The following DPF3 variants were observed in gnomAD, a reference collection of about 807,000 sequenced individuals.
DPF3 encodes the protein double PHD fingers 3.
In DPF3, 18 loss-of-function variants were observed where a neutral mutation model predicts 56.8. That is an observed-to-expected ratio of 0.32 (90% CI 0.22 to 0.47). The LOEUF (loss-of-function observed/expected upper bound fraction) is 0.47. Among genes scored for constraint, DPF3 ranks in the 20% least tolerant of loss-of-function variants. The pLI, the probability that DPF3 is intolerant of heterozygous loss-of-function variation, is 1.00. For missense variants in DPF3, 403 were observed against 488.8 expected (o/e 0.82, Z 1.65); for synonymous variants, 188 against 180.2 (o/e 1.04, Z -0.35).
chr14:72,698,853 A>C (rs1273106992), intron 6 of DPF3, among the ~76,000 whole-genome samples: 1 of 119,626 alleles, frequency 8.4e-6, no homozygotes, highest in Admixed American at 9.3e-5. Flanking sequence ...ACTGGCAGCA[A>C]GCATGGCAGG....
intron 1 of DPF3, among the ~76,000 whole-genome samples, chr14:72,890,841 C>T (rs557557102): frequency 3.3e-5 from 5 of 152,244 alleles, no homozygotes; most frequent in South Asian, 2.1e-4. Flanking sequence ...TCAGTGCAGG[C>T]GGCTCCTATT....
intron 1 of DPF3, among the ~76,000 whole-genome samples, chr14:72,814,643 C>T (rs1424107963): frequency 1.3e-5 from 2 of 151,956 alleles, no homozygotes; most frequent in Non-Finnish European, 2.9e-5. Context: ...GGTGAAACCC[C>T]GTCTCTACTA....
Position 72,693,146 on chromosome 14 carries a change from G to A in DPF3, c.672C>T (p.Ser224=), listed in dbSNP as rs376134136. The change falls in exon 7 of 11, where the codon AGC becomes AGT. Residue 224 remains serine (S), a synonymous_variant. Coordinates refer to ENST00000556509, the MANE Select transcript of DPF3 (RefSeq NM_001280542.3). ...SYHYAHTHLA[S]EEGDEAQDQE... The stretch of plus-strand genomic sequence containing the variant: ...GGTCTTGAGCTTCATCCCCCTCCTC[G>A]CTGGCCAGGTGAGTGTGAGCATAGT... The A allele has an allele frequency of 1.5e-5, 24 of 1,613,834 alleles. No homozygotes were observed. In the Middle Eastern group the frequency reaches 4.9e-4, roughly 33 times the overall value.
chr14:72,709,308 G>A (rs1888554824), intron 6 of DPF3, among the ~76,000 whole-genome samples: 2 of 152,236 alleles, frequency 1.3e-5, no homozygotes, highest in South Asian at 4.1e-4. Flanking sequence ...TGACTCAGGA[G>A]TGAGTCATGC....
chr14:72,791,124 C>A (rs1050684148), intron 1 of DPF3, among the ~76,000 whole-genome samples: 1 of 152,202 alleles, frequency 6.6e-6, no homozygotes, highest in South Asian at 2.1e-4. Context: ...TGGTGACCTT[C>A]CCCACTCCCC....
intron 1 of DPF3, among the ~76,000 whole-genome samples, chr14:72,791,939 T>C (rs1228612114): frequency 1.3e-5 from 2 of 152,104 alleles, no homozygotes; most frequent in South Asian, 2.1e-4. Context: ...CAGCCACCCA[T>C]GGCTGGGAGG....
At chr14:72,764,541 T>C (rs1163084293) in intron 2 of DPF3, among the ~76,000 whole-genome samples, 2 of 122,412 alleles carry the variant, frequency 1.6e-5, no homozygotes, top group Non-Finnish European at 3.2e-5. Flanking sequence ...CAGGCTGGAG[T>C]GCAGTGGCAC....
At chr14:72,861,320 G>A (rs1885398031) in intron 1 of DPF3, among the ~76,000 whole-genome samples, 1 of 152,072 alleles carries the variant, frequency 6.6e-6, no homozygotes, top group Admixed American at 6.6e-5. Flanking sequence ...TGGATAACTT[G>A]CATTCCTGGA....
chr14:72,831,646 G>A (rs1224448650), intron 1 of DPF3, among the ~76,000 whole-genome samples: 1 of 152,226 alleles, frequency 6.6e-6, no homozygotes, highest in Non-Finnish European at 1.5e-5. Flanking sequence ...GTCAGTAGCA[G>A]CACTGAGCCA....
At chr14:72,670,994 C>T (rs1450337819) in intron 8 of DPF3, 11 of 1,424,880 alleles carry the variant, frequency 7.7e-6, no homozygotes, top group Admixed American at 7.5e-5. Context: ...TGGAGGGACA[C>T]GTGGGAGGTG....
chr14:72,708,166 T>C (rs915627965), intron 6 of DPF3, among the ~76,000 whole-genome samples: 7 of 152,116 alleles, frequency 4.6e-5, no homozygotes, highest in African/African-American at 1.7e-4. Context: ...AATGCCAAGA[T>C]GCGAGCCCTG....
chr14:72,801,442 A>G (rs1271549415), intron 1 of DPF3, among the ~76,000 whole-genome samples: 1 of 152,234 alleles, frequency 6.6e-6, no homozygotes, highest in Non-Finnish European at 1.5e-5. Flanking sequence ...AGGCATCATC[A>G]TGACCTCAAG....
At chr14:72,696,976 C>T (rs1439040757) in intron 6 of DPF3, among the ~76,000 whole-genome samples, 2 of 152,234 alleles carry the variant, frequency 1.3e-5, no homozygotes, top group African/African-American at 4.8e-5. Flanking sequence ...CTTGGCTCCA[C>T]CAACCCTATG....
chr14:72,676,934 C>T (rs546540023), intron 7 of DPF3, among the ~76,000 whole-genome samples: 1 of 152,022 alleles, frequency 6.6e-6, no homozygotes, highest in Non-Finnish European at 1.5e-5. Flanking sequence ...TCTAATACTA[C>T]AAGAAATAAA....
intron 2 of DPF3, among the ~76,000 whole-genome samples, chr14:72,768,264 G>A (rs1053852483): frequency 4.6e-5 from 7 of 152,152 alleles, no homozygotes; most frequent in East Asian, 1.9e-4. Context: ...CTTCTCTTAC[G>A]TTTTCTAAAT....
chr14:72,767,779 ACC>A lies in DPF3; in HGVS notation c.193+3952_193+3953del, dbSNP rs71109747. On this transcript the variant is annotated intron_variant, in intron 2 of 10. Coordinates refer to ENST00000556509, the MANE Select transcript of DPF3 (RefSeq NM_001280542.3). ...ATTTGGCAAAAAAAAAAAAAAAAAAACCCCATAAACCCACAGGTTGAAGAAGC... is the reference window on the plus strand; with the variant it reads ...ATTTGGCAAAAAAAAAAAAAAAAAAACCATAAACCCACAGGTTGAAGAAGC... Among the ~76,000 whole-genome samples the A allele has an allele frequency of 3.2e-3, 453 of 140,380 alleles. 4 individuals carry two copies. The highest frequency in any genetic ancestry group is 0.011 in the African/African-American group (367 of 34,266). The allele number at this position is 140,380 out of a possible 152,430, so 92.1% of individuals were successfully genotyped here. A position where few individuals can be genotyped will look rare whatever the true frequency, so the allele number is the denominator to read the frequency against.
At chr14:72,784,012 G>T (rs1892104048) in intron 1 of DPF3, among the ~76,000 whole-genome samples, 1 of 152,138 alleles carries the variant, frequency 6.6e-6, no homozygotes, top group Non-Finnish European at 1.5e-5. Flanking sequence ...ACCTCGCTTG[G>T]GGGCCTCTGC....
chr14:72,657,624 T>C (rs1043292439), intron 8 of DPF3, among the ~76,000 whole-genome samples: 1 of 151,994 alleles, frequency 6.6e-6, no homozygotes, highest in East Asian at 1.9e-4. Flanking sequence ...AAATGCCCTA[T>C]TACCACCACC....
At position 72,664,923 on chromosome 14, in the gene DPF3, G is replaced by A. The variant is rs139824126; in HGVS notation, c.871+9317C>T. Among the ~76,000 whole-genome samples the A allele has an allele frequency of 3.5e-3, 535 of 152,278 alleles. 1 individual carries two copies. The highest frequency in any genetic ancestry group is 0.01 in the Middle Eastern group (3 of 294). Reference sequence around the variant, plus strand: ...GATGTGTTGTGATAAGCACAGGAGCGGCAGGAACAAAATGCTATGGAATGG... The same window carrying A: ...GATGTGTTGTGATAAGCACAGGAGCAGCAGGAACAAAATGCTATGGAATGG... On this transcript the variant is annotated intron_variant, in intron 8 of 10. Transcript: ENST00000556509.
Sources: allele counts gnomAD v4.1 joint callset (sites outside exome capture counted in the v4.1 genomes callset), GRCh38; gene constraint gnomAD v4.1.1; transcripts MANE v1.5; gene names NCBI Gene and HGNC (gene_info 2026-07-23, HGNC 2026-07-21).